Variants in NTNG1 observed in about 807,000 individuals in gnomAD.
The protein encoded by NTNG1 is netrin G1.
In NTNG1, 16 loss-of-function variants were observed where a neutral mutation model predicts 54.0. The observed-to-expected ratio is 0.30, with a 90% CI of 0.20 to 0.45. The LOEUF (loss-of-function observed/expected upper bound fraction) is 0.45. Among genes scored for constraint, NTNG1 ranks in the 20% least tolerant of loss-of-function variants. NTNG1 has a pLI of 1.00. For missense variants in NTNG1, 530 were observed against 678.7 expected, an observed-to-expected ratio of 0.78 and a Z score of 2.43; for synonymous variants, 255 against 263.1, an observed-to-expected ratio of 0.97 and a Z score of 0.30.
At chr1:107,261,822 G>C (rs533516249) in intron 2 of NTNG1, among the ~76,000 whole-genome samples, 1 of 152,298 alleles carries the variant, frequency 6.6e-6, no homozygotes, top group South Asian at 2.1e-4. Flanking sequence ...CAGCCTGGGC[G>C]ACAGAGTGAG....
At chr1:107,415,622 A>G in intron 5 of NTNG1, among the ~76,000 whole-genome samples, 1 of 152,160 alleles carries the variant, frequency 6.6e-6, no homozygotes, top group Middle Eastern at 3.2e-3. Context: ...CACCACTCTG[A>G]GACATTCATA....
intron 2 of NTNG1, among the ~76,000 whole-genome samples, chr1:107,317,168 G>T (rs1236825241): frequency 6.6e-6 from 1 of 152,122 alleles, no homozygotes; most frequent in East Asian, 1.9e-4. Context: ...TATCTCTCAT[G>T]ATACCTGATG....
intron 3 of NTNG1, among the ~76,000 whole-genome samples, chr1:107,339,434 T>TA (rs1222439247): frequency 6.6e-6 from 1 of 152,058 alleles, no homozygotes; most frequent in African/African-American, 2.4e-5. Context: ...ATGTATAACA[T>TA]ACACTTAAAT....
chr1:107,481,066 T>TATCACTGCAA lies in NTNG1; in HGVS notation c.*232_*241dup, dbSNP rs1553253153. ...CAGAGGAGTTGGCAGCTGTTGATAT[T>TATCACTGCAA]ATCACTGCAAATCACATTGCCAGCT... is the stretch of plus-strand genomic sequence containing the variant. On this transcript the variant is annotated 3_prime_UTR_variant, in exon 8 of 8. Coordinates refer to ENST00000370068, the MANE Select transcript of NTNG1 (RefSeq NM_001113226.3). 1.5e-5 allele frequency: 8 copies of TATCACTGCAA among 522,632 alleles called. No individual in the cohort carries two copies. The highest frequency in any genetic ancestry group is 2.1e-5 in the Non-Finnish European group (6 of 292,546). The allele number at this position is 522,632 out of a possible 1,614,324, so 32.4% of individuals were successfully genotyped here.
At chr1:107,381,037 C>G (rs763949807) in intron 3 of NTNG1, among the ~76,000 whole-genome samples, 4 of 151,992 alleles carry the variant, frequency 2.6e-5, no homozygotes, top group Non-Finnish European at 5.9e-5. Flanking sequence ...AAAAACTTAA[C>G]CACAGGGTCC....
chr1:107,340,082 C>A (rs180813931), intron 3 of NTNG1, among the ~76,000 whole-genome samples: 1 of 152,168 alleles, frequency 6.6e-6, no homozygotes, highest in East Asian at 1.9e-4. Context: ...TCAATTTCGT[C>A]AAGGTTATTT....
intron 2 of NTNG1, among the ~76,000 whole-genome samples, chr1:107,257,565 A>G (rs965945050): frequency 2.8e-4 from 42 of 152,248 alleles, no homozygotes; most frequent in African/African-American, 9.9e-4. Context: ...CTGAAATGCT[A>G]CACAGCGGCT....
chr1:107,430,814 C>T lies in NTNG1; in HGVS notation c.1152C>T (p.Cys384=). 2 of 1,613,146 alleles carry T rather than the reference C, an allele frequency of 1.2e-6. No homozygotes were observed. The highest frequency in any genetic ancestry group is 1.7e-6 in the Non-Finnish European group (2 of 1,179,550). Residue 384 remains cysteine (C), a synonymous_variant, in exon 6 of 8, where the codon TGC becomes TGT. Coordinates refer to ENST00000370068, the MANE Select transcript of NTNG1 (RefSeq NM_001113226.3). ...SYIDLLNTVI[C]VSCKHNTRGQ... is the part of the protein sequence containing the mutation. The stretch of plus-strand genomic sequence containing the variant: ...TCGATCTGCTAAATACAGTCATTTG[C>T]GTGAGCTGTAAACACAACACTAGAG...
intron 2 of NTNG1, among the ~76,000 whole-genome samples, chr1:107,156,055 G>A (rs1322245690): frequency 6.6e-6 from 1 of 152,110 alleles, no homozygotes; most frequent in Admixed American, 6.6e-5. Flanking sequence ...TACACTCTAT[G>A]ATGTTCACAT....
At chr1:107,273,934 T>C (rs1167901022) in intron 2 of NTNG1, among the ~76,000 whole-genome samples, 1 of 124,850 alleles carries the variant, frequency 8.0e-6, no homozygotes, top group Non-Finnish European at 1.7e-5. Flanking sequence ...CTGAAGTGAT[T>C]TATCATGATT....
intron 2 of NTNG1, among the ~76,000 whole-genome samples, chr1:107,257,500 A>G (rs186526707): frequency 1.3e-5 from 2 of 152,344 alleles, no homozygotes; most frequent in Admixed American, 1.3e-4. Flanking sequence ...TCTTTAAGAT[A>G]ATGAAAAGAC....
At chr1:107,399,514 G>A (rs573041889) in intron 4 of NTNG1, among the ~76,000 whole-genome samples, 21 of 152,162 alleles carry the variant, frequency 1.4e-4, no homozygotes, top group Admixed American at 2.6e-4. Context: ...TATTTTCTCT[G>A]GTATCAAGTT....
At chr1:107,285,655 T>G (rs1372466271) in intron 2 of NTNG1, among the ~76,000 whole-genome samples, 1 of 152,170 alleles carries the variant, frequency 6.6e-6, no homozygotes, top group Non-Finnish European at 1.5e-5. Flanking sequence ...TTATTAAAAA[T>G]GGCAGGAGAC....
intron 2 of NTNG1, among the ~76,000 whole-genome samples, chr1:107,273,904 T>G (rs1363118125): frequency 1.3e-5 from 2 of 152,200 alleles, no homozygotes; most frequent in Admixed American, 6.5e-5. Context: ...TCTGACAATA[T>G]CTTCTTCTCT....
chr1:107,322,262 A>G (rs1488481760), intron 2 of NTNG1, among the ~76,000 whole-genome samples: 1 of 152,124 alleles, frequency 6.6e-6, no homozygotes, highest in Non-Finnish European at 1.5e-5. Context: ...TACTACAAAC[A>G]TCTGATAACT....
At chr1:107,257,413 G>T (rs1321210711) in intron 2 of NTNG1, among the ~76,000 whole-genome samples, 2 of 152,130 alleles carry the variant, frequency 1.3e-5, no homozygotes, top group East Asian at 3.9e-4. Flanking sequence ...AAAATAAAAA[G>T]AATGCCTTTC....
At chr1:107,262,227 T>C (rs10881461) in intron 2 of NTNG1, among the ~76,000 whole-genome samples, 95,331 of 152,140 alleles carry the variant, frequency 0.63, 33,118 homozygotes, top group Non-Finnish European at 0.78. Context: ...GTAAATCACA[T>C]GAAATCTGAA....
intron 3 of NTNG1, among the ~76,000 whole-genome samples, chr1:107,386,084 C>A (rs1671952523): frequency 7.5e-6 from 1 of 133,626 alleles, no homozygotes. Flanking sequence ...CATATATATA[C>A]TTATATGTAT....
At chr1:107,367,520 G>A (rs1670669366) in intron 3 of NTNG1, among the ~76,000 whole-genome samples, 1 of 151,962 alleles carries the variant, frequency 6.6e-6, no homozygotes, top group Non-Finnish European at 1.5e-5. Context: ...TTAAATCCTG[G>A]AATACCTTTA....
Sources: gnomAD v4.1 joint callset for allele counts (sites outside exome capture counted in the v4.1 genomes callset) on GRCh38, gnomAD v4.1.1 for gene constraint, MANE v1.5 for transcripts, NCBI Gene and HGNC (gene_info 2026-07-23, HGNC 2026-07-21) for gene names.